Variants in WSB2 observed in about 807,000 individuals in gnomAD.
WSB2 encodes the protein WD repeat and SOCS box containing 2.
Under a neutral mutation model 48.8 loss-of-function variants are expected in WSB2, and 12 were observed. That is an observed-to-expected ratio of 0.25 (90% confidence interval 0.16 to 0.40). The LOEUF (loss-of-function observed/expected upper bound fraction) is 0.40. Among genes scored for constraint, WSB2 ranks in the 10% least tolerant of loss-of-function variants. The pLI, the probability that WSB2 is intolerant of heterozygous loss-of-function variation, is 1.00. For missense variants in WSB2, 317 were observed against 506.2 expected (o/e 0.63, Z 3.59); for synonymous variants, 191 against 203.1 (o/e 0.94, Z 0.51).
intron 1 of WSB2, among the ~76,000 whole-genome samples, chr12:118,056,169 C>G (rs2031954637): frequency 6.6e-6 from 1 of 152,098 alleles, no homozygotes; most frequent in Non-Finnish European, 1.5e-5. Flanking sequence ...ACCCTGCCCT[C>G]AAAATCCAGC....
At chr12:118,045,495 C>T (rs765612547) in intron 2 of WSB2, among the ~76,000 whole-genome samples, 2 of 151,292 alleles carry the variant, frequency 1.3e-5, no homozygotes, top group African/African-American at 2.4e-5. Flanking sequence ...GTCAGGAGTT[C>T]GAGACCAGCC....
At chr12:118,047,487 A>C (rs2031767359) in intron 2 of WSB2, among the ~76,000 whole-genome samples, 1 of 152,270 alleles carries the variant, frequency 6.6e-6, no homozygotes, top group Non-Finnish European at 1.5e-5. Context: ...TATCAAAAGC[A>C]CTACATGATT....
intron 2 of WSB2, among the ~76,000 whole-genome samples, chr12:118,043,897 G>A (rs984868526): frequency 3.3e-5 from 5 of 151,888 alleles, no homozygotes; most frequent in Admixed American, 2.0e-4. Flanking sequence ...CAGGTGGATC[G>A]CCTGAGGTCT....
intron 1 of WSB2, among the ~76,000 whole-genome samples, chr12:118,059,883 T>A (rs1257163137): frequency 6.6e-6 from 1 of 152,122 alleles, no homozygotes; most frequent in Non-Finnish European, 1.5e-5. Flanking sequence ...TGTCATTTCC[T>A]AAATTAAAAA....
intron 2 of WSB2, among the ~76,000 whole-genome samples, chr12:118,046,527 T>C (rs916900255): frequency 1.3e-5 from 2 of 150,384 alleles, no homozygotes; most frequent in Admixed American, 6.6e-5. Flanking sequence ...TCGCCAAATA[T>C]AGGCTAAAAC....
intron 2 of WSB2, among the ~76,000 whole-genome samples, chr12:118,049,067 T>A (rs1415371743): frequency 1.3e-5 from 2 of 152,330 alleles, no homozygotes; most frequent in Non-Finnish European, 2.9e-5. Context: ...CATGTTGTGC[T>A]TTTTAAAAAG....
At chr12:118,057,130 A>C (rs1317732302) in intron 1 of WSB2, among the ~76,000 whole-genome samples, 1 of 152,154 alleles carries the variant, frequency 6.6e-6, no homozygotes, top group Non-Finnish European at 1.5e-5. Flanking sequence ...ACTTGGCTAC[A>C]CGGAGAGAAA....
rs1175349906 is a variant in WSB2 at position 118,036,340 on chromosome 12, G to A, written c.831C>T (p.Leu277=). ...CATAGCAGGGATTCAGTCCTTACTGGAGTGACCTCAGCCTTTCGCCGGTGT... is the reference window on the plus strand; with the variant it reads ...CATAGCAGGGATTCAGTCCTTACTGAAGTGACCTCAGCCTTTCGCCGGTGT... The part of the protein sequence containing the change: ...DPYTGERLRS[L]HHTQVDPAMD... The change falls in exon 6 of 9, where the codon CTC becomes CTT. Residue 277 remains leucine, a splice_region_variant and synonymous_variant. Coordinates refer to ENST00000315436, the MANE Select transcript of WSB2 (RefSeq NM_018639.5). 1.2e-6 allele frequency: 2 copies of A among 1,613,832 alleles called. No individual in the cohort carries two copies. The highest frequency in any genetic ancestry group is 2.2e-5 in the South Asian group (2 of 91,040).
chr12:118,040,630 A>T (rs1201584156), intron 4 of WSB2, among the ~76,000 whole-genome samples: 1 of 150,774 alleles, frequency 6.6e-6, no homozygotes, highest in East Asian at 2.0e-4. Context: ...GCATGGTGGC[A>T]CACACCTGGA....
Position 118,043,388 on chromosome 12 carries a change from CAG to C in WSB2, c.183-13_183-12del. 6.5e-7 allele frequency: 1 copy of C among 1,527,956 alleles called. No individual in the cohort carries two copies. The highest frequency in any genetic ancestry group is 2.2e-5 in the Admixed American group (1 of 45,520). 94.6% of individuals were successfully genotyped at this position (1,527,956 alleles called of 1,614,324 possible). A position where few individuals can be genotyped will look rare whatever the true frequency, so the allele number is the denominator to read the frequency against. ...AACCCTTTAGGGATGCTGGGAGAAG[CAG>C]AGATTTCTTAATGAATCTGCAATTG... is the stretch of plus-strand genomic sequence containing the variant. On this transcript the variant is annotated splice_polypyrimidine_tract_variant and intron_variant, in intron 2 of 8. Coordinates refer to ENST00000315436, the MANE Select transcript of WSB2 (RefSeq NM_018639.5).
At position 118,033,815 on chromosome 12, in the gene WSB2, G is replaced by A. The variant is rs2031434998; in HGVS notation, c.*381C>T. ...CTAGGCAGAAGCCATCGTTCCCAGC[G>A]GAGGGAGTGTGAGCTGCTCTGCCAC... On this transcript the variant is annotated 3_prime_UTR_variant, in exon 9 of 9. Coordinates refer to ENST00000315436, the MANE Select transcript of WSB2 (RefSeq NM_018639.5). 1.3e-5 allele frequency: 3 copies of A among 234,304 alleles called. No homozygotes were observed. The highest frequency in any genetic ancestry group is 1.3e-4 in the South Asian group (2 of 15,756). The allele number at this position is 234,304 out of a possible 1,614,324, so 14.5% of individuals were successfully genotyped here.
intron 1 of WSB2, among the ~76,000 whole-genome samples, chr12:118,056,071 G>T (rs1406135349): frequency 1.3e-5 from 2 of 151,934 alleles, no homozygotes; most frequent in Non-Finnish European, 2.9e-5. Context: ...CTGCTCTCCC[G>T]GCTTCCCCTC....
intron 2 of WSB2, among the ~76,000 whole-genome samples, chr12:118,050,159 C>T (rs368496001): frequency 6.0e-5 from 9 of 151,040 alleles, no homozygotes; most frequent in Non-Finnish European, 1.0e-4. Context: ...CACTCCAGCC[C>T]GGGCGACAGA....
Position 118,052,442 on chromosome 12 carries a change from C to G in WSB2, c.50G>C (p.Arg17Pro), listed in dbSNP as rs774503067. Residue 17 changes from arginine to proline, a missense_variant, in exon 2 of 9, where the codon CGC becomes CCC. Physicochemically the swap from Arg to Pro is moderately radical, Grantham distance 103. Coordinates refer to ENST00000315436, the MANE Select transcript of WSB2 (RefSeq NM_018639.5). ...GGACTTCCAATCAAACTGGTGGGGGCGCCCGGGCTTGAGTTCGGCCAGCAG... is the reference window on the plus strand; with the variant it reads ...GGACTTCCAATCAAACTGGTGGGGGGGCCCGGGCTTGAGTTCGGCCAGCAG... ...PLLLAELKPG[R>P]PHQFDWKSSC... 6.2e-7 allele frequency: 1 copy of G among 1,614,010 alleles called. No homozygotes were observed. Among genetic ancestry groups the G allele is most frequent in the Admixed American group, 1.7e-5 (1 of 59,986 alleles).
intron 5 of WSB2, among the ~76,000 whole-genome samples, chr12:118,037,652 C>G (rs1337512279): frequency 7.0e-6 from 1 of 143,222 alleles, no homozygotes; most frequent in Non-Finnish European, 1.5e-5. Flanking sequence ...TGGGCAACAA[C>G]AGCGAAACTC....
At chr12:118,056,854 T>C (rs1301607003) in intron 1 of WSB2, among the ~76,000 whole-genome samples, 2 of 152,062 alleles carry the variant, frequency 1.3e-5, no homozygotes, top group African/African-American at 2.4e-5. Flanking sequence ...TGAGCCAAGA[T>C]TGCACCACTG....
chr12:118,049,104 A>G (rs748243520), intron 2 of WSB2, among the ~76,000 whole-genome samples: 2 of 152,258 alleles, frequency 1.3e-5, no homozygotes, highest in Non-Finnish European at 2.9e-5. Flanking sequence ...TATAATTCAT[A>G]TAGTAAATTT....
intron 1 of WSB2, among the ~76,000 whole-genome samples, chr12:118,056,561 T>C (rs1484520385): frequency 1.3e-5 from 2 of 152,100 alleles, no homozygotes; most frequent in African/African-American, 4.8e-5. Flanking sequence ...AGTGAGTAAA[T>C]ATTTGTCTAA....
upstream of WSB2, among the ~76,000 whole-genome samples, chr12:118,061,492 G>C (rs1045209649): frequency 4.0e-5 from 6 of 151,422 alleles, no homozygotes; most frequent in African/African-American, 1.2e-4. Context: ...ATAAAAACGG[G>C]GAAGGGAGGG....
Sources: allele counts gnomAD v4.1 joint callset (sites outside exome capture counted in the v4.1 genomes callset), GRCh38; gene constraint gnomAD v4.1.1; transcripts MANE v1.5; gene names NCBI Gene and HGNC (gene_info 2026-07-23, HGNC 2026-07-21).